PGGT1B: variants seen among roughly 807,000 people sequenced by gnomAD.
PGGT1B encodes the protein protein geranylgeranyltransferase type I subunit beta.
Under a neutral mutation model 46.1 loss-of-function variants are expected in PGGT1B, and 30 were observed. That is an observed-to-expected ratio of 0.65 (90% CI 0.49 to 0.88). The LOEUF (loss-of-function observed/expected upper bound fraction) is 0.88. Among genes scored for constraint, PGGT1B ranks in the 40% least tolerant of loss-of-function variants. The probability of loss-of-function intolerance (pLI) is 0.00; values close to 1 mark genes in which losing one functional copy is unlikely to be tolerated. For missense variants in PGGT1B, 376 were observed against 455.9 expected (o/e 0.82, Z 1.60); for synonymous variants, 170 against 160.0 (o/e 1.06, Z -0.47).
At chr5:115,223,395 C>G (rs145640792) in intron 6 of PGGT1B, among the ~76,000 whole-genome samples, 43 of 152,098 alleles carry the variant, frequency 2.8e-4, no homozygotes, top group African/African-American at 9.4e-4. Flanking sequence ...TAATTGTACT[C>G]ACAAGTGCCA....
At chr5:115,246,337 C>T (rs985380675) in intron 2 of PGGT1B, among the ~76,000 whole-genome samples, 2 of 146,984 alleles carry the variant, frequency 1.4e-5, no homozygotes, top group African/African-American at 5.0e-5. Flanking sequence ...TCCTGGGTGA[C>T]AGAATGATAC....
rs1194165396 is a variant in PGGT1B at position 115,253,188 on chromosome 5, C to T, written c.208G>A (p.Asp70Asn). 1 of 1,604,682 alleles carries T rather than the reference C, an allele frequency of 6.2e-7. No homozygotes were observed. The highest frequency in any genetic ancestry group is 1.3e-5 in the African/African-American group (1 of 74,402). Residue 70 changes from aspartate (D) to asparagine (N), a missense_variant, in exon 2 of 9, where the codon GAT (aspartate) becomes AAT (asparagine). Asp to Asn is a conservative substitution (Grantham distance 23). This residue lies in a region of PGGT1B where 154 missense variants were observed against 142.3 expected (regional missense o/e 1.08). Coordinates refer to ENST00000419445, the MANE Select transcript of PGGT1B (RefSeq NM_005023.4). ...GAATAAATCCACTCTATTATATCAT[C>T]TTTGTTCACCACATCTAAGGAATCC... Reference protein sequence around the residue: ...MLDSLDVVNKDDIIEWIYSLQ... With the variant: ...MLDSLDVVNKNDIIEWIYSLQ...
chr5:115,216,412 T>A (rs1756420110), intron 8 of PGGT1B, among the ~76,000 whole-genome samples: 1 of 152,206 alleles, frequency 6.6e-6, no homozygotes. Flanking sequence ...AGTGTTGGGG[T>A]TACAGGCATG....
chr5:115,249,707 G>A (rs1748006870), intron 2 of PGGT1B, among the ~76,000 whole-genome samples: 1 of 152,084 alleles, frequency 6.6e-6, no homozygotes, highest in Non-Finnish European at 1.5e-5. Context: ...TTTAAAAGTA[G>A]AAGGCAAAAA....
chr5:115,241,529 T>A lies in PGGT1B; in HGVS notation c.327+10A>T, dbSNP rs181688180. The A allele has an allele frequency of 3.8e-6, 6 of 1,582,936 alleles. No homozygotes were observed. The highest frequency in any genetic ancestry group is 5.2e-6 in the Non-Finnish European group (6 of 1,161,074). ...CCCTTCTACTTCCTTCTGAACCAAA[T>A]AGAACCAACCTTTGATGGATTGAAC... On this transcript the variant is annotated intron_variant, in intron 3 of 8. Transcript: ENST00000419445.
At position 115,212,570 on chromosome 5, in the gene PGGT1B, T is replaced by C. The variant is rs1756268025; in HGVS notation, c.966A>G (p.Ala322=). 3.1e-6 allele frequency: 5 copies of C among 1,608,768 alleles called. No individual in the cohort carries two copies. Among genetic ancestry groups the C allele is most frequent in the Non-Finnish European group, 3.4e-6 (4 of 1,177,422 alleles). ...GTGACAGGCCACAGATCCCAAAGTATGCATGCAAAGCATCTGAAAAGAAGG... is the reference window on the plus strand; with the variant it reads ...GTGACAGGCCACAGATCCCAAAGTACGCATGCAAAGCATCTGAAAAGAAGG... ...WPDSHPDALH[A]YFGICGLSLM... The change falls in exon 9 of 9, where the codon GCA becomes GCG. Residue 322 remains alanine (A), a synonymous_variant. Coordinates refer to ENST00000419445, the MANE Select transcript of PGGT1B (RefSeq NM_005023.4).
At chr5:115,236,544 T>C (rs189862291) in intron 4 of PGGT1B, 22 bp from the exon 5 acceptor site, 155 of 1,499,220 alleles carry the variant, frequency 1.0e-4, no homozygotes, top group Admixed American at 6.4e-4. Context: ...AACAACAATA[T>C]GATTTTCTAT....
At chr5:115,262,466 CAG>C (rs1160790202) in intron 1 of PGGT1B, 1 of 513,420 alleles carries the variant, frequency 1.9e-6, no homozygotes, top group Non-Finnish European at 3.5e-6. Flanking sequence ...TCAGAGTTGC[CAG>C]AAGAAAAGGG....
In PGGT1B at chr5:115,209,609, G is replaced by A. The variant is rs1241790265; in HGVS notation, c.*2793C>T. The A allele has an allele frequency of 6.6e-6, 1 of 152,104 alleles. No homozygotes were observed. The highest frequency in any genetic ancestry group is 1.5e-5 in the Non-Finnish European group (1 of 68,000). 9.4% of individuals were successfully genotyped at this position (152,104 alleles called of 1,614,324 possible). On this transcript the variant is annotated 3_prime_UTR_variant, in exon 9 of 9. Coordinates refer to ENST00000419445, the MANE Select transcript of PGGT1B (RefSeq NM_005023.4). ...GTCATCTAGCGTTGTAATAGTGTCT[G>A]TGGCTATCCTAGTTGCTCTGTATTC...
chr5:115,227,726 A>G (rs930734404), intron 6 of PGGT1B, among the ~76,000 whole-genome samples: 4 of 152,084 alleles, frequency 2.6e-5, no homozygotes, highest in African/African-American at 9.7e-5. Flanking sequence ...ATAAAATCAT[A>G]TTTCTATTAC....
intron 6 of PGGT1B, 82 bp downstream of exon 6, chr5:115,230,894 G>A: frequency 2.5e-6 from 2 of 813,196 alleles, no homozygotes; most frequent in Non-Finnish European, 4.1e-6. Context: ...AAAAACTTCT[G>A]AGGTTCTCCA....
rs189588739 is a variant in PGGT1B, at chr5:115,209,140, A to G, written c.*3262T>C. 2.6e-5 allele frequency: 4 copies of G among 152,206 alleles called. No individual in the cohort carries two copies. The highest frequency in any genetic ancestry group is 5.9e-5 in the Non-Finnish European group (4 of 67,984). 9.4% of individuals were successfully genotyped at this position (152,206 alleles called of 1,614,324 possible). A position where few individuals can be genotyped will look rare whatever the true frequency, so the allele number is the denominator to read the frequency against. ...AGAATATATATATATATGAAAATAC[A>G]CATATATAATGTCTCTGTGTCTTGG... On this transcript the variant is annotated 3_prime_UTR_variant, in exon 9 of 9. Transcript: ENST00000419445.
intron 6 of PGGT1B, among the ~76,000 whole-genome samples, chr5:115,223,883 T>C (rs57199942): frequency 0.037 from 5,585 of 152,294 alleles, 325 homozygotes; most frequent in African/African-American, 0.13. Context: ...CCTAGTGATT[T>C]TTATTAATTT....
chr5:115,253,703 T>G (rs1220733002), intron 1 of PGGT1B, among the ~76,000 whole-genome samples: 1 of 152,054 alleles, frequency 6.6e-6, no homozygotes, highest in Non-Finnish European at 1.5e-5. Flanking sequence ...AATTCAAAGG[T>G]GTTCACAAAT....
rs1756211036 is a variant in PGGT1B at position 115,211,215 on chromosome 5, T to C, written c.*1187A>G. 1 of 152,082 alleles carries C rather than the reference T, an allele frequency of 6.6e-6. No individual in the cohort carries two copies. The highest frequency in any genetic ancestry group is 1.5e-5 in the Non-Finnish European group (1 of 67,924). The allele number at this position is 152,082 out of a possible 1,614,324, so 9.4% of individuals were successfully genotyped here. A position where few individuals can be genotyped will look rare whatever the true frequency, so the allele number is the denominator to read the frequency against. ...AATGTCACTGAGCAAGTAACGGATA[T>C]GAGTTATTGATAAATTAATTACTAA... On this transcript the variant is annotated 3_prime_UTR_variant, in exon 9 of 9. Transcript: ENST00000419445.
At chr5:115,226,378 G>A (rs1231096376) in intron 6 of PGGT1B, among the ~76,000 whole-genome samples, 2 of 151,958 alleles carry the variant, frequency 1.3e-5, no homozygotes, top group Admixed American at 6.6e-5. Flanking sequence ...CAAGTATTTT[G>A]GATAAGGGAC....
intron 1 of PGGT1B, among the ~76,000 whole-genome samples, chr5:115,257,530 C>CAAAAAAAAAAAAAAAAAAAAAA (rs1169870044): frequency 1.4e-5 from 1 of 72,114 alleles, no homozygotes; most frequent in Non-Finnish European, 2.6e-5. Context: ...AACTCCATCT[C>CAAAAAAAAAAAAAAAAAAAAAA]AAAAAAAAAA....
rs1175869099 is a variant in PGGT1B at position 115,204,655 on chromosome 5, T to C, written c.*7747A>G. 6.6e-6 allele frequency: 1 copy of C among 152,174 alleles called. No homozygotes were observed. Among genetic ancestry groups the C allele is most frequent in the Non-Finnish European group, 1.5e-5 (1 of 68,020 alleles). The allele number at this position is 152,174 out of a possible 1,614,324, so 9.4% of individuals were successfully genotyped here. A position where few individuals can be genotyped will look rare whatever the true frequency, so the allele number is the denominator to read the frequency against. ...CATACCTTGTTGTTGAGTTTATGAA[T>C]GGCTACACTGTTTCTGGATGGCAAT... On this transcript the variant is annotated 3_prime_UTR_variant, in exon 9 of 9. Coordinates refer to ENST00000419445, the MANE Select transcript of PGGT1B (RefSeq NM_005023.4).
Position 115,207,108 on chromosome 5 carries a change from T to A in PGGT1B, c.*5294A>T, listed in dbSNP as rs931505762. On this transcript the variant is annotated 3_prime_UTR_variant, in exon 9 of 9. Coordinates refer to ENST00000419445, the MANE Select transcript of PGGT1B (RefSeq NM_005023.4). Reference sequence around the variant, plus strand: ...TTAAATTTACACATTAAGTTTTCTTTTTACTTTTGCTATCACAAAGGTGGT... The same window carrying A: ...TTAAATTTACACATTAAGTTTTCTTATTACTTTTGCTATCACAAAGGTGGT... The A allele has an allele frequency of 1.3e-5, 2 of 148,824 alleles. No homozygotes were observed. The highest frequency in any genetic ancestry group is 3.0e-5 in the Non-Finnish European group (2 of 67,044). The allele number at this position is 148,824 out of a possible 1,614,324, so 9.2% of individuals were successfully genotyped here.
Sources: gnomAD v4.1 joint callset for allele counts (sites outside exome capture counted in the v4.1 genomes callset) on GRCh38, gnomAD v4.1.1 for gene constraint, gnomAD v4.1.1 regional missense constraint, MANE v1.5 for transcripts, NCBI Gene and HGNC (gene_info 2026-07-23, HGNC 2026-07-21) for gene names.